Variants in LGR4 observed in about 807,000 individuals in gnomAD.
LGR4 encodes leucine rich repeat containing G protein-coupled receptor 4, also known as leucine-rich repeat-containing G protein-coupled receptor 4.
LGR4 carries 44 observed loss-of-function variants against 84.8 expected under a neutral mutation model. The ratio of observed to expected loss-of-function variants is 0.52; its 90% CI spans 0.41 to 0.67. LGR4 has a LOEUF of 0.67. Among genes scored for constraint, LGR4 ranks in the 30% least tolerant of loss-of-function variants. The pLI, the probability that LGR4 is intolerant of heterozygous loss-of-function variation, is 0.00. For synonymous variants in LGR4, 429 were observed against 434.3 expected (o/e 0.99, Z 0.15); for missense variants, 1,032 against 1,131.4 (o/e 0.91, Z 1.26).
rs1223377607 is a variant in LGR4, at chr11:27,391,084, A to G, written c.401+10T>C. 6.4e-7 allele frequency: 1 copy of G among 1,557,888 alleles called. No homozygotes were observed. Among genetic ancestry groups the G allele is most frequent in the Non-Finnish European group, 8.8e-7 (1 of 1,136,490 alleles). ...CTCTTGGTGAGTCAAGAAACCAAGA[A>G]GTTACTTACAAAGACTGCAAAGCAC... On this transcript the variant is annotated intron_variant, in intron 4 of 17. Coordinates refer to ENST00000379214, the MANE Select transcript of LGR4 (RefSeq NM_018490.5).
chr11:27,367,607 C>T lies in LGR4; in HGVS notation c.*260G>A, dbSNP rs987631328. ...AAACTAACATTATATTGCTCTACTA[C>T]ACCTAAGATCCTTTTCAAGTCATAT... On this transcript the variant is annotated 3_prime_UTR_variant, in exon 18 of 18. Transcript: ENST00000379214. 7 of 320,254 alleles carry T rather than the reference C, an allele frequency of 2.2e-5. No homozygotes were observed. The highest frequency in any genetic ancestry group is 4.3e-5 in the African/African-American group (2 of 46,878). 19.8% of individuals were successfully genotyped at this position (320,254 alleles called of 1,614,324 possible).
chr11:27,382,811 G>A (rs1340568689), intron 6 of LGR4, among the ~76,000 whole-genome samples: 1 of 152,128 alleles, frequency 6.6e-6, no homozygotes, highest in Non-Finnish European at 1.5e-5. Flanking sequence ...GAGGTCAAGA[G>A]ATCGAGACCA....
chr11:27,392,651 G>T, intron 2 of LGR4, 133 bp from the exon 3 acceptor site: 1 of 714,528 alleles, frequency 1.4e-6, no homozygotes, highest in Non-Finnish European at 2.2e-6. Flanking sequence ...CATTAAACGT[G>T]GACTTAAACC....
chr11:27,413,451 A>G (rs538779871), intron 1 of LGR4, among the ~76,000 whole-genome samples: 48 of 152,136 alleles, frequency 3.2e-4, no homozygotes, highest in Non-Finnish European at 4.3e-4. Flanking sequence ...GCGTCCGCAG[A>G]AAGAAAACTC....
intron 3 of LGR4, 102 bp downstream of exon 3, chr11:27,392,345 C>G: frequency 1.1e-6 from 1 of 919,170 alleles, no homozygotes; most frequent in Non-Finnish European, 1.6e-6. Context: ...ATCTTTTAAT[C>G]CTGAACTAAA....
At chr11:27,468,776 G>A (rs950455516) in intron 1 of LGR4, among the ~76,000 whole-genome samples, 2 of 151,974 alleles carry the variant, frequency 1.3e-5, no homozygotes, top group Admixed American at 6.6e-5. Context: ...TATGATCAAG[G>A]ACTCAGGTCC....
chr11:27,385,749 T>C (rs1489388724), intron 4 of LGR4, among the ~76,000 whole-genome samples: 1 of 151,920 alleles, frequency 6.6e-6, no homozygotes, highest in Non-Finnish European at 1.5e-5. Flanking sequence ...CAGAAAGATA[T>C]ATTTTTTAAA....
intron 2 of LGR4, among the ~76,000 whole-genome samples, chr11:27,400,984 C>T (rs1863489968): frequency 6.6e-6 from 1 of 152,092 alleles, no homozygotes. Flanking sequence ...GATGTACTAC[C>T]CCATTTCTTC....
intron 1 of LGR4, among the ~76,000 whole-genome samples, chr11:27,458,862 A>G (rs1354579147): frequency 6.6e-6 from 1 of 152,204 alleles, no homozygotes; most frequent in Admixed American, 6.5e-5. Context: ...TTTGAAAGTC[A>G]GGGAAGCAGT....
At chr11:27,426,863 C>A (rs1297159401) in intron 1 of LGR4, among the ~76,000 whole-genome samples, 1 of 152,098 alleles carries the variant, frequency 6.6e-6, no homozygotes, top group Non-Finnish European at 1.5e-5. Context: ...GATTGTGTTG[C>A]AGTGATGTTT....
At position 27,402,440 on chromosome 11, in the gene LGR4, G is replaced by A. The variant is rs138504193; in HGVS notation, c.258-9922C>T. Among the ~76,000 whole-genome samples the A allele has an allele frequency of 8.5e-5, 13 of 152,180 alleles. No individual in the cohort carries two copies. In the East Asian group the frequency reaches 1.5e-3, roughly 18 times the overall value. On this transcript the variant is annotated intron_variant, in intron 2 of 17. Coordinates refer to ENST00000379214, the MANE Select transcript of LGR4 (RefSeq NM_018490.5). Reference sequence around the variant, plus strand: ...TAAGGAGATACCCTGGGTTCTTGACGACGTGGCTGAGCAACTCCATAAATC... The same window carrying A: ...TAAGGAGATACCCTGGGTTCTTGACAACGTGGCTGAGCAACTCCATAAATC...
intron 2 of LGR4, among the ~76,000 whole-genome samples, chr11:27,406,295 G>C (rs1361884051): frequency 6.6e-6 from 1 of 152,060 alleles, no homozygotes; most frequent in African/African-American, 2.4e-5. Context: ...TGAACATAGT[G>C]GTTCAGCCAA....
intron 2 of LGR4, among the ~76,000 whole-genome samples, chr11:27,395,251 AG>A (rs1284253802): frequency 2.6e-5 from 4 of 152,172 alleles, no homozygotes; most frequent in African/African-American, 9.7e-5. Context: ...AAACAGAGTA[AG>A]GCTGTTACAG....
intron 2 of LGR4, among the ~76,000 whole-genome samples, chr11:27,412,089 T>C (rs1863721911): frequency 6.6e-6 from 1 of 152,128 alleles, no homozygotes; most frequent in African/African-American, 2.4e-5. Flanking sequence ...AAATATAATA[T>C]ATAGTTCCCA....
chr11:27,442,611 T>C (rs1864322483), intron 1 of LGR4, among the ~76,000 whole-genome samples: 1 of 152,132 alleles, frequency 6.6e-6, no homozygotes, highest in Non-Finnish European at 1.5e-5. Context: ...ACACAGGTGA[T>C]TTTCAAAAGA....
At chr11:27,468,701 GA>G (rs35761131) in intron 1 of LGR4, among the ~76,000 whole-genome samples, 74,511 of 136,928 alleles carry the variant, frequency 0.54, 22,168 homozygotes, top group Non-Finnish European at 0.7. Flanking sequence ...ATTGTCACGA[GA>G]AAAAAAAAAA....
At chr11:27,370,233 C>T (rs185169521) in intron 17 of LGR4, among the ~76,000 whole-genome samples, 2 of 152,334 alleles carry the variant, frequency 1.3e-5, no homozygotes, top group Non-Finnish European at 2.9e-5. Flanking sequence ...GCCAGTTCTG[C>T]ATCATTTATC....
At chr11:27,459,805 G>C (rs1378651586) in intron 1 of LGR4, among the ~76,000 whole-genome samples, 1 of 151,754 alleles carries the variant, frequency 6.6e-6, no homozygotes, top group Non-Finnish European at 1.5e-5. Context: ...AATAAGCACT[G>C]AGAGTCTGGG....
At position 27,380,339 on chromosome 11, in the gene LGR4, T is replaced by C. The variant is rs1256103758; in HGVS notation, c.903A>G (p.Leu301=). 1 of 1,604,294 alleles carries C rather than the reference T, an allele frequency of 6.2e-7. No homozygotes were observed. The highest frequency in any genetic ancestry group is 1.1e-5 in the South Asian group (1 of 89,166). The part of the protein sequence containing the change: ...AFHNLSDLHS[L]VIRGASMVQQ... ...GCACCATGCTTGCACCACGAATGAC[T>C]CTTTATGAAATTGAGAAAGACAAGG... Residue 301 remains leucine (L), a splice_region_variant and synonymous_variant, in exon 10 of 18, where the codon CTA becomes CTG. Coordinates refer to ENST00000379214, the MANE Select transcript of LGR4 (RefSeq NM_018490.5).
Sources: allele counts gnomAD v4.1 joint callset (sites outside exome capture counted in the v4.1 genomes callset), GRCh38; gene constraint gnomAD v4.1.1; transcripts MANE v1.5; gene names NCBI Gene and HGNC (gene_info 2026-07-23, HGNC 2026-07-21).